The following NAB2 variants were observed in gnomAD, a reference collection of about 807,000 sequenced individuals.
NAB2 encodes the protein NGFI-A binding protein 2.
A neutral mutation model predicts 44.2 loss-of-function variants in NAB2; 9 were observed. The ratio of observed to expected loss-of-function variants is 0.20; its 90% CI spans 0.12 to 0.36. NAB2 has a LOEUF of 0.36. Ranked by LOEUF, NAB2 falls within the 10% of genes least tolerant of loss-of-function variation. NAB2 has a pLI of 1.00. For synonymous variants in NAB2, 342 were observed against 291.0 expected (o/e 1.18, Z -1.78); for missense variants, 514 against 709.0 (o/e 0.73, Z 3.12).
chr12:57,093,411 G>T lies in NAB2; in HGVS notation c.1281G>T (p.Val427=). Residue 427 remains valine (V), a synonymous_variant, in exon 6 of 7, where the codon GTG becomes GTT. Transcript: ENST00000300131. ...GACCAGTGCCCATGCCCACAGCTGT[G>T]GGGTCATGTCCAAGGCTGACGCCGC... is the stretch of plus-strand genomic sequence containing the variant. The part of the protein sequence containing the change: ...GESLDGHLQA[V]GSCPRLTPPP... 1 of 1,570,526 alleles carries T rather than the reference G, an allele frequency of 6.4e-7. No homozygotes were observed.
In NAB2 at chr12:57,089,320, G is replaced by A. The variant is rs983506370; in HGVS notation, c.49G>A (p.Asp17Asn). ...PTAEQPPGGG[D>N]SARRTLQPRL... ...AGCCGAGCAGCCGCCGGGCGGAGGG[G>A]ACAGCGCCCGCCGGACCCTGCAGCC... is the stretch of plus-strand genomic sequence containing the variant. Residue 17 changes from aspartate to asparagine, a missense_variant, in exon 1 of 7, where the codon GAC (aspartate) becomes AAC (asparagine). Transcript: ENST00000300131. 2 of 1,577,630 alleles carry A rather than the reference G, an allele frequency of 1.3e-6. No individual in the cohort carries two copies. The highest frequency in any genetic ancestry group is 8.6e-7 in the Non-Finnish European group (1 of 1,162,188).
chr12:57,092,154 C>T (rs907510437), intron 2 of NAB2, 156 bp downstream of exon 2: 12 of 1,300,520 alleles, frequency 9.2e-6, no homozygotes, highest in African/African-American at 7.5e-5. Context: ...CCCCAGCGGC[C>T]GCAGTGCTTC....
intron 5 of NAB2, 46 bp downstream of exon 5, chr12:57,093,241 G>C: frequency 1.1e-6 from 1 of 927,342 alleles, no homozygotes; most frequent in Non-Finnish European, 1.7e-6. Flanking sequence ...GGGTGGGGGA[G>C]TAGGGGAGGG....
intron 1 of NAB2, among the ~76,000 whole-genome samples, chr12:57,090,550 C>G (rs1015289089): frequency 3.3e-5 from 5 of 152,214 alleles, no homozygotes; most frequent in African/African-American, 1.2e-4. Context: ...GAGTAAGGCA[C>G]CACCTGGCTC....
intron 3 of NAB2, among the ~76,000 whole-genome samples, 168 bp downstream of exon 3, chr12:57,092,749 C>T (rs1212401005): frequency 2.0e-5 from 3 of 152,236 alleles, no homozygotes; most frequent in East Asian, 1.9e-4. Context: ...CCATCCATGT[C>T]GGGTCCCCCC....
At position 57,091,995 on chromosome 12, in the gene NAB2, C is replaced by T. The variant is rs149345289; in HGVS notation, c.954C>T (p.His318=). The T allele has an allele frequency of 7.8e-5, 125 of 1,602,642 alleles. 1 individual carries two copies. Among genetic ancestry groups the T allele is most frequent in the Admixed American group, 4.5e-4 (27 of 59,524 alleles). The part of the protein sequence containing the change: ...KRREGKQLSL[H]ELTINEAAAQ... ...GGGAGGGCAAGCAGCTCAGCCTGCA[C>T]GAGGTGAGAACCCCCAGGCCTCCTA... Residue 318 remains histidine (H), a synonymous_variant, in exon 2 of 7, where the codon CAC becomes CAT. Coordinates refer to ENST00000300131, the MANE Select transcript of NAB2 (RefSeq NM_005967.4). The surrounding 1 kb of genome is among the most constrained non-coding windows in gnomAD (Gnocchi z 7.3).
chr12:57,094,036 G>GA (rs2033268106), intron 6 of NAB2, among the ~76,000 whole-genome samples: 1 of 151,916 alleles, frequency 6.6e-6, no homozygotes. Context: ...TGGGCAGGCG[G>GA]AGGGCCGGGC....
intron 6 of NAB2, among the ~76,000 whole-genome samples, chr12:57,094,404 C>T (rs190647717): frequency 1.3e-5 from 2 of 151,762 alleles, no homozygotes; most frequent in African/African-American, 4.8e-5. Context: ...CAGACAGAGA[C>T]AGAGCTACGC....
chr12:57,089,150 G>A lies in NAB2; in HGVS notation c.-122G>A, dbSNP rs1210147838. On this transcript the variant is annotated 5_prime_UTR_variant, in exon 1 of 7. Coordinates refer to ENST00000300131, the MANE Select transcript of NAB2 (RefSeq NM_005967.4). ...CGGAGGCTCGGAGAGAGAAGACGTG[G>A]AGGGAGGGACAGAGCCTGGACAGCG... 3.9e-6 allele frequency: 4 copies of A among 1,016,022 alleles called. No homozygotes were observed. The highest frequency in any genetic ancestry group is 5.8e-6 in the Non-Finnish European group (4 of 684,948). The allele number at this position is 1,016,022 out of a possible 1,614,324, so 62.9% of individuals were successfully genotyped here.
Position 57,093,434 on chromosome 12 carries a change from C to T in NAB2, c.1304C>T (p.Pro435Leu), listed in dbSNP as rs1029066357. The stretch of plus-strand genomic sequence containing the variant: ...GTGGGGTCATGTCCAAGGCTGACGC[C>T]GCCCCCTGCTGACCTGCCTCTGGCA... The part of the protein sequence containing the change: ...QAVGSCPRLT[P>L]PPADLPLALP... The change falls in exon 6 of 7, where the codon CCG (proline) becomes CTG (leucine). Residue 435 changes from proline to leucine, a missense_variant. Pro to Leu is a moderately conservative substitution (Grantham distance 98). This residue lies in a region of NAB2 where 194 missense variants were observed against 223.9 expected (regional missense o/e 0.87). Transcript: ENST00000300131. 2 of 1,590,838 alleles carry T rather than the reference C, an allele frequency of 1.3e-6. No individual in the cohort carries two copies. The highest frequency in any genetic ancestry group is 1.1e-5 in the South Asian group (1 of 87,090).
In NAB2 at chr12:57,092,545, G is replaced by A. The variant is rs2136544727; in HGVS notation, c.1055G>A (p.Arg352Gln). Residue 352 changes from arginine (R) to glutamine (Q), a missense_variant, in exon 3 of 7, where the codon CGA becomes CAA. Coordinates refer to ENST00000300131, the MANE Select transcript of NAB2 (RefSeq NM_005967.4). ...ELFSLSRQVARESTYLSSLKG... is the reference protein window; with the variant it reads ...ELFSLSRQVAQESTYLSSLKG... Reference sequence around the variant, plus strand: ...TTCTCTTTGTCCCGCCAAGTAGCCCGAGAGAGCACCTACTTGTCCTCCTTG... The same window carrying A: ...TTCTCTTTGTCCCGCCAAGTAGCCCAAGAGAGCACCTACTTGTCCTCCTTG... 1 of 1,614,162 alleles carries A rather than the reference G, an allele frequency of 6.2e-7. No individual in the cohort carries two copies. Among genetic ancestry groups the A allele is most frequent in the Non-Finnish European group, 8.5e-7 (1 of 1,180,028 alleles).
Position 57,093,187 on chromosome 12 carries a change from A to C in NAB2, c.1268A>C (p.His423Pro), listed in dbSNP as rs774115078. ...ASLSGESLDG[H>P]LQAVGSCPRL... ...CTGTCTGGGGAGAGTCTGGATGGAC[A>C]TTTGCAGGGTGAGTGTGCCTCAGAA... Residue 423 changes from histidine to proline, a missense_variant, in exon 5 of 7, where the codon CAT (histidine) becomes CCT (proline). This residue lies in a region of NAB2 where 194 missense variants were observed against 223.9 expected (regional missense o/e 0.87). Coordinates refer to ENST00000300131, the MANE Select transcript of NAB2 (RefSeq NM_005967.4). 7.0e-7 allele frequency: 1 copy of C among 1,433,446 alleles called. No individual in the cohort carries two copies. The highest frequency in any genetic ancestry group is 1.1e-5 in the South Asian group (1 of 88,080). 88.8% of individuals were successfully genotyped at this position (1,433,446 alleles called of 1,614,324 possible).
At position 57,091,724 on chromosome 12, in the gene NAB2, G is replaced by T. The variant is rs2033191819; in HGVS notation, c.683G>T (p.Gly228Val). The part of the protein sequence containing the change: ...EGTGAGGLAA[G>V]GTGGGPDRLE... ...ACTGGGGCTGGGGGGCTGGCAGCAG[G>T]TGGGACTGGGGGTGGTCCAGACCGA... The change falls in exon 2 of 7, where the codon GGT (glycine) becomes GTT (valine). Residue 228 changes from glycine (G) to valine (V), a missense_variant. Gly to Val is a moderately radical substitution (Grantham distance 109, BLOSUM62 -3). Coordinates refer to ENST00000300131, the MANE Select transcript of NAB2 (RefSeq NM_005967.4). The surrounding 1 kb of genome is among the most constrained non-coding windows in gnomAD (Gnocchi z 7.3). 1.1e-5 allele frequency: 18 copies of T among 1,614,022 alleles called. No individual in the cohort carries two copies. The highest frequency in any genetic ancestry group is 1.5e-5 in the Non-Finnish European group (18 of 1,179,904).
Position 57,091,098 on chromosome 12 carries a change from C to T in NAB2, c.84-27C>T, listed in dbSNP as rs371679609. The T allele has an allele frequency of 2.7e-6, 4 of 1,497,842 alleles. No individual in the cohort carries two copies. In the African/African-American group the frequency reaches 5.6e-5, roughly 21 times the overall value. The allele number at this position is 1,497,842 out of a possible 1,614,324, so 92.8% of individuals were successfully genotyped here. ...CCAGTAGGGGGACTTGCACCGACTGCCTCTCTCTTGTGCCCCTCCTTCTCA... is the reference window on the plus strand; with the variant it reads ...CCAGTAGGGGGACTTGCACCGACTGTCTCTCTCTTGTGCCCCTCCTTCTCA... On this transcript the variant is annotated intron_variant, in intron 1 of 6. Transcript: ENST00000300131. The surrounding 1 kb of genome is among the most constrained non-coding windows in gnomAD (Gnocchi z 7.3).
In NAB2 at chr12:57,091,576, G is replaced by A; in HGVS notation, c.535G>A (p.Ala179Thr). 2 of 1,606,702 alleles carry A rather than the reference G, an allele frequency of 1.2e-6. No homozygotes were observed. Among genetic ancestry groups the A allele is most frequent in the Non-Finnish European group, 1.7e-6 (2 of 1,174,850 alleles). The change falls in exon 2 of 7, where the codon GCA (alanine) becomes ACA (threonine). Residue 179 changes from alanine (A) to threonine (T), a missense_variant. Ala to Thr is a moderately conservative substitution (Grantham distance 58, BLOSUM62 0). This residue lies in a region of NAB2 where 177 missense variants were observed against 200.5 expected (regional missense o/e 0.88). Transcript: ENST00000300131. This position sits in a 1 kb window ranked among gnomAD's most constrained non-coding sequence, Gnocchi z 7.3. ...KLSPLPGGPG[A>T]GDPRIWPGRS... Reference sequence around the variant, plus strand: ...ATCACCACTGCCTGGGGGACCTGGGGCAGGGGACCCCCGGATCTGGCCAGG... The same window carrying A: ...ATCACCACTGCCTGGGGGACCTGGGACAGGGGACCCCCGGATCTGGCCAGG...
intron 6 of NAB2, among the ~76,000 whole-genome samples, chr12:57,094,359 C>G (rs546577772): frequency 6.6e-6 from 1 of 151,200 alleles, no homozygotes; most frequent in African/African-American, 2.4e-5. Context: ...GAAATTCCAG[C>G]GCAACCGAGG....
chr12:57,092,994 G>A, intron 4 of NAB2, 26 bp downstream of exon 4: 3 of 1,614,160 alleles, frequency 1.9e-6, no homozygotes, highest in Non-Finnish European at 2.5e-6. Flanking sequence ...TGCATATAGG[G>A]GCACTGGGCA....
At chr12:57,089,412 T>C in intron 1 of NAB2, 58 bp downstream of exon 1, 2 of 956,776 alleles carry the variant, frequency 2.1e-6, no homozygotes, top group South Asian at 2.6e-5. Context: ...GACTTGGGAA[T>C]GGGGTCCAGA....
rs1018867105 is a variant in NAB2, at chr12:57,093,477, A to G, written c.1347A>G (p.Leu449=). Residue 449 remains leucine (L), a synonymous_variant, in exon 6 of 7, where the codon CTA becomes CTG. Transcript: ENST00000300131. ...DLPLALPAHG[L]WSRHILQQTL... ...CTCTGGCATTGCCAGCCCATGGGCT[A>G]TGGAGCCGACACATCCTGCAGCAGA... The G allele has an allele frequency of 8.8e-6, 14 of 1,598,206 alleles. No homozygotes were observed. The highest frequency in any genetic ancestry group is 1.1e-5 in the South Asian group (1 of 88,478).
Sources: allele counts gnomAD v4.1 joint callset (sites outside exome capture counted in the v4.1 genomes callset), GRCh38; gene constraint gnomAD v4.1.1; regional missense constraint gnomAD v4.1.1; non-coding constraint Gnocchi (gnomAD v3.1); transcripts MANE v1.5; gene names NCBI Gene and HGNC (gene_info 2026-07-23, HGNC 2026-07-21).